Variants in LYRM4 observed in about 807,000 individuals in gnomAD.
LYRM4 encodes LYR motif containing 4.
In LYRM4, 9 loss-of-function variants were observed where a neutral mutation model predicts 11.7. The ratio of observed to expected loss-of-function variants is 0.77; its 90% confidence interval spans 0.46 to 1.34. LYRM4 has a LOEUF of 1.34. Ranked by LOEUF, LYRM4 falls within the 40% of genes most tolerant of loss-of-function variation. LYRM4 has a pLI of 0.00. For synonymous variants in LYRM4, 42 were observed against 40.4 expected (o/e 1.04, Z -0.15); for missense variants, 133 against 112.5 (o/e 1.18, Z -0.82).
chr6:5,189,106 C>T (rs1305426333), intron 2 of LYRM4, among the ~76,000 whole-genome samples: 2 of 152,202 alleles, frequency 1.3e-5, no homozygotes, highest in African/African-American at 4.8e-5. Context: ...GACCCCTTGT[C>T]TTGCTGTTTT....
chr6:5,220,578 G>A (rs556866259), intron 1 of LYRM4, among the ~76,000 whole-genome samples: 8 of 152,308 alleles, frequency 5.3e-5, no homozygotes, highest in Non-Finnish European at 1.2e-4. Flanking sequence ...ACTGAAATGT[G>A]CAAGAGGAAG....
At chr6:5,167,529 T>A (rs114273943) in intron 2 of LYRM4, among the ~76,000 whole-genome samples, 2,105 of 152,354 alleles carry the variant, frequency 0.014, 42 homozygotes, top group African/African-American at 0.046. Context: ...CAACTCCTTT[T>A]ATATCCATAA....
chr6:5,259,470 G>A (rs944257805), intron 1 of LYRM4, among the ~76,000 whole-genome samples: 1 of 152,226 alleles, frequency 6.6e-6, no homozygotes, highest in African/African-American at 2.4e-5. Context: ...GTATGACCCA[G>A]ATGCTGTTTT....
At chr6:5,220,074 C>T (rs1455753008) in intron 1 of LYRM4, among the ~76,000 whole-genome samples, 1 of 152,208 alleles carries the variant, frequency 6.6e-6, no homozygotes, top group Admixed American at 6.5e-5. Flanking sequence ...CTTCTCCACC[C>T]CAGCCTTTGC....
At chr6:5,096,623 C>A in the LYRM4 span, among the ~76,000 whole-genome samples, 1 of 152,122 alleles carries the variant, frequency 6.6e-6, no homozygotes, top group Non-Finnish European at 1.5e-5. Flanking sequence ...CCTGCAGTTG[C>A]CACCAGCTCA....
At chr6:5,098,257 C>T in the LYRM4 span, among the ~76,000 whole-genome samples, 96,702 of 152,138 alleles carry the variant, frequency 0.64, 31,576 homozygotes, top group East Asian at 0.8. Context: ...TCAGATGGAC[C>T]CTCAGCCTCC....
At chr6:5,165,833 G>A (rs896216473) in intron 2 of LYRM4, among the ~76,000 whole-genome samples, 7 of 152,030 alleles carry the variant, frequency 4.6e-5, no homozygotes, top group African/African-American at 1.7e-4. Flanking sequence ...GTGAGCCACC[G>A]CGCCCGGCCA....
the LYRM4 span, among the ~76,000 whole-genome samples, chr6:5,091,837 T>C: frequency 1.7e-3 from 258 of 152,346 alleles, no homozygotes; most frequent in African/African-American, 6.0e-3. Flanking sequence ...CAAACTTTTC[T>C]GGTAAGGCAA....
the LYRM4 span, chr6:5,086,226 C>G: frequency 1.3e-6 from 2 of 1,535,440 alleles, no homozygotes; most frequent in South Asian, 2.4e-5. Context: ...GGCCCAGGGC[C>G]GTGACCGTGC....
At chr6:5,206,540 C>A (rs1761709492) in intron 2 of LYRM4, among the ~76,000 whole-genome samples, 1 of 152,166 alleles carries the variant, frequency 6.6e-6, no homozygotes, top group Admixed American at 6.5e-5. Context: ...TATAAGGGAT[C>A]TTGGAAACCA....
At chr6:5,203,296 G>A (rs143653248) in intron 2 of LYRM4, among the ~76,000 whole-genome samples, 1 of 152,160 alleles carries the variant, frequency 6.6e-6, no homozygotes, top group Non-Finnish European at 1.5e-5. Flanking sequence ...ACATGGGTAT[G>A]GAGGAAAAGA....
intron 2 of LYRM4, among the ~76,000 whole-genome samples, chr6:5,161,540 T>C (rs1409906987): frequency 2.0e-5 from 3 of 152,206 alleles, no homozygotes; most frequent in Non-Finnish European, 4.4e-5. Flanking sequence ...ATTATTTTTT[T>C]GTTACTGAAG....
chr6:5,214,685 AG>A (rs1198298664), intron 2 of LYRM4, among the ~76,000 whole-genome samples: 2 of 152,194 alleles, frequency 1.3e-5, no homozygotes, highest in African/African-American at 4.8e-5. Flanking sequence ...GTTAGTCCAA[AG>A]GCAACTTACG....
the LYRM4 span, chr6:5,066,261 G>T: frequency 2.8e-6 from 2 of 720,182 alleles, no homozygotes; most frequent in Middle Eastern, 2.5e-4. Context: ...CTGGATTTCG[G>T]GGATCTGCCG....
At chr6:5,177,831 T>C (rs1759808063) in intron 2 of LYRM4, among the ~76,000 whole-genome samples, 1 of 152,182 alleles carries the variant, frequency 6.6e-6, no homozygotes. Context: ...GGATGAGAAG[T>C]GATTCTCAGG....
At chr6:5,260,598 T>TGCCCCGGCCCCGGGC in intron 1 of LYRM4, 50 bp downstream of exon 1, 1 of 1,105,570 alleles carries the variant, frequency 9.0e-7, no homozygotes, top group Non-Finnish European at 1.3e-6. Context: ...GCACCCCCGG[T>TGCCCCGGCCCCGGGC]CCCCGGCCCC....
the LYRM4 span, among the ~76,000 whole-genome samples, chr6:5,093,677 GC>G: frequency 2.6e-5 from 4 of 152,300 alleles, no homozygotes; most frequent in Non-Finnish European, 5.9e-5. Flanking sequence ...TAACAATTTG[GC>G]CCCATTCTCT....
intron 1 of LYRM4, among the ~76,000 whole-genome samples, chr6:5,233,111 C>G (rs1025244464): frequency 6.6e-6 from 1 of 152,168 alleles, no homozygotes; most frequent in Non-Finnish European, 1.5e-5. Context: ...CTCAACTGGA[C>G]GACGTCCTCA....
At chr6:5,070,235 A>C in the LYRM4 span, among the ~76,000 whole-genome samples, 1 of 152,202 alleles carries the variant, frequency 6.6e-6, no homozygotes, top group Non-Finnish European at 1.5e-5. Flanking sequence ...GGAAACTTAC[A>C]AAGACCAATT....
Sources: gnomAD v4.1 joint callset for allele counts (sites outside exome capture counted in the v4.1 genomes callset) on GRCh38, gnomAD v4.1.1 for gene constraint, MANE v1.5 for transcripts, NCBI Gene and HGNC (gene_info 2026-07-23, HGNC 2026-07-21) for gene names.